The following CNTN6 variants were observed in gnomAD, a reference collection of about 807,000 sequenced individuals.
CNTN6 encodes contactin-6.
A neutral mutation model predicts 122.8 loss-of-function variants in CNTN6; 137 were observed. The observed-to-expected ratio is 1.12, with a 90% confidence interval of 0.97 to 1.29. The LOEUF (loss-of-function observed/expected upper bound fraction) is 1.29, where lower values mean the gene tolerates loss of function less well. Among genes scored for constraint, CNTN6 ranks in the 50% most tolerant of loss-of-function variants. The pLI, the probability that CNTN6 is intolerant of heterozygous loss-of-function variation, is 0.00. For synonymous variants in CNTN6, 570 were observed against 426.0 expected (o/e 1.34, Z -4.16); for missense variants, 1,634 against 1,223.4 (o/e 1.34, Z -5.01).
chr3:1,317,502 C>A (rs1413381688), intron 7 of CNTN6, among the ~76,000 whole-genome samples: 1 of 151,750 alleles, frequency 6.6e-6, no homozygotes, highest in Non-Finnish European at 1.5e-5. Context: ...GGGGGGTGGG[C>A]ATCAAGCATG....
intron 2 of CNTN6, among the ~76,000 whole-genome samples, chr3:1,175,425 A>C (rs2125314864): frequency 9.6e-6 from 1 of 103,980 alleles, no homozygotes; most frequent in East Asian, 3.7e-4. Flanking sequence ...GAACAAAGTG[A>C]GGTATGGGAG....
intron 1 of CNTN6, among the ~76,000 whole-genome samples, chr3:1,109,476 T>C (rs544632959): frequency 6.6e-6 from 1 of 152,224 alleles, no homozygotes; most frequent in East Asian, 1.9e-4. Flanking sequence ...TGTTTTTCTA[T>C]TCCCAGTTTA....
intron 1 of CNTN6, among the ~76,000 whole-genome samples, chr3:1,141,999 T>C (rs2092618903): frequency 6.6e-6 from 1 of 152,084 alleles, no homozygotes; most frequent in African/African-American, 2.4e-5. Context: ...AGAGGTACCA[T>C]CTCTGTTTAG....
intron 1 of CNTN6, among the ~76,000 whole-genome samples, chr3:1,123,999 C>T (rs187116692): frequency 1.3e-5 from 2 of 152,022 alleles, no homozygotes; most frequent in East Asian, 1.9e-4. Context: ...CTGATTGTTT[C>T]CTTATGTTGA....
rs569765087 is a variant in CNTN6, at chr3:1,342,124, T to TTTTGTTTG, written c.1365-10182_1365-10175dup. Among the ~76,000 whole-genome samples the TTTTGTTTG allele has an allele frequency of 5.9e-5, 9 of 152,070 alleles. No individual in the cohort carries two copies. In the East Asian group the frequency reaches 9.7e-4, roughly 16 times the overall value. On this transcript the variant is annotated intron_variant, in intron 11 of 22. Coordinates refer to ENST00000446702, the MANE Select transcript of CNTN6 (RefSeq NM_001289080.2). ...ACATAAAAGTACTCAGGTCTATTTC[T>TTTTGTTTG]TTTGTTTGTTTGTTTGTTTGTTTGT...
rs749084379 is a variant in CNTN6 at position 1,351,760 on chromosome 3, T to C, written c.1365-564T>C. ...CTTTCTACTTCTTCCTTCCTCTTTTTGATGGGATAGCCACATAATAAGCAT... is the reference window on the plus strand; with the variant it reads ...CTTTCTACTTCTTCCTTCCTCTTTTCGATGGGATAGCCACATAATAAGCAT... On this transcript the variant is annotated intron_variant, in intron 11 of 22. Coordinates refer to ENST00000446702, the MANE Select transcript of CNTN6 (RefSeq NM_001289080.2). Among the ~76,000 whole-genome samples the C allele has an allele frequency of 7.1e-4, 108 of 152,018 alleles. 1 individual carries two copies. Among genetic ancestry groups the C allele is most frequent in the South Asian group, 1.0e-3 (5 of 4,822 alleles).
chr3:1,116,512 A>C (rs1366159424), intron 1 of CNTN6, among the ~76,000 whole-genome samples: 1 of 152,148 alleles, frequency 6.6e-6, no homozygotes, highest in South Asian at 2.1e-4. Context: ...TGATCATACT[A>C]TTTGAATCTT....
intron 5 of CNTN6, among the ~76,000 whole-genome samples, chr3:1,284,988 A>G (rs889373365): frequency 2.6e-5 from 4 of 152,172 alleles, no homozygotes; most frequent in East Asian, 1.9e-4. Flanking sequence ...TGGGAGTAAG[A>G]TGAAAATTCA....
chr3:1,241,372 C>T (rs2094481364), intron 4 of CNTN6, among the ~76,000 whole-genome samples: 1 of 151,738 alleles, frequency 6.6e-6, no homozygotes, highest in Admixed American at 6.6e-5. Context: ...GGATTAGGGG[C>T]AGTGTGGGAA....
At chr3:1,323,896 T>TTTCCAACCCGCCTGTTTCCATGAATGATG (rs1701194852) in intron 8 of CNTN6, among the ~76,000 whole-genome samples, 107 of 139,980 alleles carry the variant, frequency 7.6e-4, no homozygotes, top group African/African-American at 3.3e-3. Flanking sequence ...AATAAATAAA[T>TTTCCAACCCGCCTGTTTCCATGAATGATG]GTGTTCTGTA....
At chr3:1,217,697 T>C (rs761299398) in intron 2 of CNTN6, among the ~76,000 whole-genome samples, 21 of 152,294 alleles carry the variant, frequency 1.4e-4, no homozygotes, top group Non-Finnish European at 2.5e-4. Flanking sequence ...GAGAGGATAG[T>C]GAAATCTGTT....
intron 12 of CNTN6, among the ~76,000 whole-genome samples, chr3:1,353,303 A>G (rs1705964252): frequency 6.6e-6 from 1 of 151,736 alleles, no homozygotes; most frequent in South Asian, 2.1e-4. Context: ...CTTTTCCATT[A>G]AAATAAATAT....
At chr3:1,340,345 C>G (rs1419350902) in intron 11 of CNTN6, among the ~76,000 whole-genome samples, 1 of 152,038 alleles carries the variant, frequency 6.6e-6, no homozygotes, top group African/African-American at 2.4e-5. Context: ...CTTTATGTCA[C>G]TAAAAGGTAT....
At chr3:1,393,885 CAT>C (rs1174982239) in intron 20 of CNTN6, among the ~76,000 whole-genome samples, 1 of 152,100 alleles carries the variant, frequency 6.6e-6, no homozygotes, top group East Asian at 1.9e-4. Context: ...ATGATATATA[CAT>C]ATATATATTC....
chr3:1,348,000 C>T (rs1341352052), intron 11 of CNTN6, among the ~76,000 whole-genome samples: 1 of 151,594 alleles, frequency 6.6e-6, no homozygotes, highest in Non-Finnish European at 1.5e-5. Context: ...TATAGATATG[C>T]CTACATTCTT....
At chr3:1,187,827 G>C (rs1575164525) in intron 2 of CNTN6, among the ~76,000 whole-genome samples, 1 of 152,318 alleles carries the variant, frequency 6.6e-6, no homozygotes, top group East Asian at 1.9e-4. Context: ...TGGATGGCAG[G>C]GACCCTGTGT....
intron 1 of CNTN6, among the ~76,000 whole-genome samples, chr3:1,115,174 G>C (rs1198912986): frequency 6.6e-6 from 1 of 152,120 alleles, no homozygotes; most frequent in African/African-American, 2.4e-5. Flanking sequence ...ATGCACATAG[G>C]CTCTTAAATA....
At chr3:1,358,108 C>T (rs148790192) in intron 12 of CNTN6, among the ~76,000 whole-genome samples, 128 of 151,822 alleles carry the variant, frequency 8.4e-4, no homozygotes, top group Admixed American at 1.8e-3. Flanking sequence ...ATTGTGTATT[C>T]TTTTGTGTTT....
chr3:1,392,741 G>A (rs1694354131), intron 20 of CNTN6, among the ~76,000 whole-genome samples: 1 of 143,908 alleles, frequency 6.9e-6, no homozygotes, highest in Non-Finnish European at 1.5e-5. Flanking sequence ...CAACAAGTGG[G>A]TGAAGGACAT....
Sources: allele counts gnomAD v4.1 joint callset (sites outside exome capture counted in the v4.1 genomes callset), GRCh38; gene constraint gnomAD v4.1.1; transcripts MANE v1.5; gene names NCBI Gene and HGNC (gene_info 2026-07-23, HGNC 2026-07-21).